The following HTR4 variants were observed in gnomAD, a reference collection of about 807,000 sequenced individuals.
HTR4 encodes 5-hydroxytryptamine receptor 4.
In HTR4, 16 loss-of-function variants were observed where a neutral mutation model predicts 36.8. The observed-to-expected ratio is 0.43, with a 90% CI of 0.29 to 0.66. The LOEUF is 0.66. Ranked by LOEUF, HTR4 falls within the 30% of genes least tolerant of loss-of-function variation. The probability of loss-of-function intolerance (pLI) is 0.13; values close to 1 mark genes in which losing one functional copy is unlikely to be tolerated. For missense variants in HTR4, 438 were observed against 490.9 expected (o/e 0.89, Z 1.02); for synonymous variants, 189 against 185.1 (o/e 1.02, Z -0.17).
intron 2 of HTR4, 55 bp downstream of exon 2, chr5:148,636,934 T>C: frequency 8.7e-7 from 1 of 1,146,878 alleles, no homozygotes; most frequent in Non-Finnish European, 1.3e-6. Context: ...TTTAGAGTCT[T>C]CATAGCAGAA....
chr5:148,549,986 TC>T (rs1759601091), intron 3 of HTR4, 150 bp downstream of exon 3: 1 of 717,582 alleles, frequency 1.4e-6, no homozygotes, highest in Admixed American at 2.9e-5. Context: ...TTAATTGCAA[TC>T]CCTTTTTCTC....
intron 2 of HTR4, among the ~76,000 whole-genome samples, chr5:148,613,010 A>G (rs1752504654): frequency 1.4e-5 from 2 of 144,288 alleles, no homozygotes; most frequent in Non-Finnish European, 3.0e-5. Flanking sequence ...TAGACCAATA[A>G]CAGGATCTGA....
chr5:148,617,060 A>C (rs1275594239), intron 2 of HTR4, among the ~76,000 whole-genome samples: 1 of 152,180 alleles, frequency 6.6e-6, no homozygotes, highest in Non-Finnish European at 1.5e-5. Context: ...GTCCCCTCTA[A>C]ATCTTATGTT....
At chr5:148,644,422 G>GT (rs1175588280) in intron 1 of HTR4, among the ~76,000 whole-genome samples, 1,935 of 40,580 alleles carry the variant, frequency 0.048, 561 homozygotes, top group African/African-American at 0.052. Context: ...AAGCTCACAA[G>GT]TTTTTTTTTT....
rs79231462 is a variant in HTR4 at position 148,520,707 on chromosome 5, C to T, written c.507+2486G>A. On this transcript the variant is annotated intron_variant, in intron 5 of 6. Transcript: ENST00000377888. ...TGATTAACAGGGGGCTTCATACATACATAGTAAGTGTTCAACATTCACTGG... is the reference window on the plus strand; with the variant it reads ...TGATTAACAGGGGGCTTCATACATATATAGTAAGTGTTCAACATTCACTGG... Among the ~76,000 whole-genome samples, 33 of 152,294 alleles carry T rather than the reference C, an allele frequency of 2.2e-4. No homozygotes were observed. The East Asian group carries it at 6.0e-3, about 28-fold the overall frequency.
At chr5:148,478,285 A>T (rs1236024565), downstream of HTR4, among the ~76,000 whole-genome samples, 1 of 152,116 alleles carries the variant, frequency 6.6e-6, no homozygotes, top group Admixed American at 6.5e-5. Context: ...CCAACATGGA[A>T]CTAGGCGATT....
rs752354167 is a variant in HTR4, at chr5:148,509,817, T to G, written c.715A>C (p.Arg239=). 3.7e-6 allele frequency: 6 copies of G among 1,613,996 alleles called. No homozygotes were observed. The East Asian group carries it at 1.3e-4, about 36-fold the overall frequency. The change falls in exon 6 of 7, where the codon AGG becomes CGG. Residue 239 remains arginine, a synonymous_variant. Transcript: ENST00000377888. The part of the protein sequence containing the change: ...LQRAGASSES[R]PQSADQHSTH... ...CTATGCTGGTCTGCCGACTGAGGCC[T>G]GCTCTCGGAGGAGGCTCCTGCCCGT... is the stretch of plus-strand genomic sequence containing the variant.
chr5:148,555,746 C>T (rs1015242286), intron 2 of HTR4, among the ~76,000 whole-genome samples: 4 of 152,168 alleles, frequency 2.6e-5, no homozygotes, highest in Non-Finnish European at 4.4e-5. Flanking sequence ...CATTAATAAA[C>T]TCCACAAACT....
intron 5 of HTR4, among the ~76,000 whole-genome samples, chr5:148,462,791 G>A (rs980609829): frequency 2.6e-5 from 4 of 152,064 alleles, no homozygotes; most frequent in Admixed American, 1.3e-4. Flanking sequence ...GTCTAACAAT[G>A]TATACACAGA....
chr5:148,594,616 G>A (rs903441016), intron 2 of HTR4, among the ~76,000 whole-genome samples: 2 of 152,034 alleles, frequency 1.3e-5, no homozygotes, highest in Non-Finnish European at 2.9e-5. Context: ...CTATGCACAA[G>A]TAATCCTTCC....
At chr5:148,518,507 C>T (rs2113788459) in intron 5 of HTR4, among the ~76,000 whole-genome samples, 2 of 152,270 alleles carry the variant, frequency 1.3e-5, no homozygotes, top group African/African-American at 4.8e-5. Context: ...AATTGTAATT[C>T]CTTCCCAAAA....
chr5:148,488,387 GC>G (rs901664831), intron 6 of HTR4, among the ~76,000 whole-genome samples: 2 of 152,042 alleles, frequency 1.3e-5, no homozygotes, highest in African/African-American at 2.4e-5. Flanking sequence ...CAGGCTCAAA[GC>G]CTTTGGCAAA....
At chr5:148,498,185 C>A (rs1402408211) in intron 6 of HTR4, among the ~76,000 whole-genome samples, 1 of 152,138 alleles carries the variant, frequency 6.6e-6, no homozygotes, top group Admixed American at 6.6e-5. Context: ...AGGATAGGAC[C>A]AAGCTTGGGA....
At chr5:148,493,603 T>C (rs1489077375) in intron 6 of HTR4, among the ~76,000 whole-genome samples, 1 of 152,186 alleles carries the variant, frequency 6.6e-6, no homozygotes, top group Non-Finnish European at 1.5e-5. Context: ...GTGCTAATAA[T>C]TTTAAAAATT....
At chr5:148,651,314 T>A (rs1455033632) in intron 1 of HTR4, among the ~76,000 whole-genome samples, 1 of 152,052 alleles carries the variant, frequency 6.6e-6, no homozygotes, top group Non-Finnish European at 1.5e-5. Flanking sequence ...TAAAGGTAAA[T>A]GTGTGAGGAT....
intron 6 of HTR4, chr5:148,484,403 G>T: frequency 3.7e-6 from 6 of 1,600,512 alleles, no homozygotes; most frequent in Non-Finnish European, 5.1e-6. Context: ...AAATTATTTG[G>T]CATGAATTAT....
rs190342578 is a variant in HTR4 at position 148,547,816 on chromosome 5, C to G, written c.353+852G>C. ...GAAAACTTGGGTTTGTTGGGTTGCT[C>G]AAGACACAGTAAGAAATCATTGTCC... On this transcript the variant is annotated intron_variant, in intron 4 of 6. Coordinates refer to ENST00000377888, the MANE Select transcript of HTR4 (RefSeq NM_000870.7). 4.2e-4 allele frequency among the ~76,000 whole-genome samples: 64 copies of G among 152,228 alleles called. No homozygotes were observed. The East Asian group carries it at 0.011, about 27-fold the overall frequency.
chr5:148,496,619 G>GA (rs1756697075), intron 6 of HTR4, among the ~76,000 whole-genome samples: 1 of 152,162 alleles, frequency 6.6e-6, no homozygotes, highest in Non-Finnish European at 1.5e-5. Flanking sequence ...CCACAGGGAT[G>GA]GAAACGTCAA....
intron 2 of HTR4, among the ~76,000 whole-genome samples, chr5:148,603,301 C>T (rs1474765740): frequency 6.6e-6 from 1 of 151,594 alleles, no homozygotes; most frequent in African/African-American, 2.4e-5. Flanking sequence ...ACCACCACCT[C>T]AAAAAAAGCA....
Sources: gnomAD v4.1 joint callset for allele counts (sites outside exome capture counted in the v4.1 genomes callset) on GRCh38, gnomAD v4.1.1 for gene constraint, MANE v1.5 for transcripts, NCBI Gene and HGNC (gene_info 2026-07-23, HGNC 2026-07-21) for gene names.